Variants in TSG101 observed in about 807,000 individuals in gnomAD.
TSG101 encodes tumor susceptibility 101.
A neutral mutation model predicts 48.5 loss-of-function variants in TSG101; 19 were observed. The ratio of observed to expected loss-of-function variants is 0.39; its 90% CI spans 0.27 to 0.58. The LOEUF (loss-of-function observed/expected upper bound fraction) is 0.58. TSG101 is among the 20% of genes least tolerant of loss of function. The probability of loss-of-function intolerance (pLI) is 0.55; values close to 1 mark genes in which losing one functional copy is unlikely to be tolerated. For synonymous variants in TSG101, 174 were observed against 169.4 expected (o/e 1.03, Z -0.21); for missense variants, 365 against 484.4 (o/e 0.75, Z 2.31).
At chr11:18,523,784 G>A (rs1850320816) in intron 1 of TSG101, among the ~76,000 whole-genome samples, 2 of 152,324 alleles carry the variant, frequency 1.3e-5, no homozygotes, top group Admixed American at 1.3e-4. Context: ...TTACAGGCAT[G>A]AGCCATTGCA....
intron 1 of TSG101, among the ~76,000 whole-genome samples, chr11:18,520,500 A>G (rs998685342): frequency 1.3e-5 from 2 of 152,142 alleles, no homozygotes; most frequent in Admixed American, 1.3e-4. Flanking sequence ...GTTGGGATTT[A>G]CAGGCACGTA....
intron 2 of TSG101, among the ~76,000 whole-genome samples, chr11:18,516,808 G>C (rs1046366997): frequency 4.0e-5 from 6 of 151,384 alleles, no homozygotes; most frequent in Admixed American, 3.3e-4. Flanking sequence ...GGGCGTGGTG[G>C]CACATGCCTG....
chr11:18,481,561 T>G (rs1374195450), intron 9 of TSG101, 69 bp downstream of exon 9: 3 of 1,552,288 alleles, frequency 1.9e-6, no homozygotes, highest in Non-Finnish European at 2.6e-6. Flanking sequence ...TCTCTTGGTT[T>G]GTGGTTTGCA....
chr11:18,480,529 A>T lies in TSG101; in HGVS notation c.*17T>A. 3 of 1,607,088 alleles carry T rather than the reference A, an allele frequency of 1.9e-6. No individual in the cohort carries two copies. The highest frequency in any genetic ancestry group is 2.6e-6 in the Non-Finnish European group (3 of 1,174,498). ...ATACTTTAAGAAGAGCTCAACCTCCAGCTGGTATCAGAGAAGTCAGTAGAG... is the reference window on the plus strand; with the variant it reads ...ATACTTTAAGAAGAGCTCAACCTCCTGCTGGTATCAGAGAAGTCAGTAGAG... On this transcript the variant is annotated 3_prime_UTR_variant, in exon 10 of 10. Transcript: ENST00000251968.
chr11:18,517,648 C>T (rs1382132037), intron 2 of TSG101, among the ~76,000 whole-genome samples: 2 of 152,168 alleles, frequency 1.3e-5, no homozygotes, highest in African/African-American at 4.8e-5. Context: ...GTATGCAGTA[C>T]AGTAACATCT....
chr11:18,504,934 G>A (rs934411716), intron 6 of TSG101, among the ~76,000 whole-genome samples: 7 of 152,210 alleles, frequency 4.6e-5, no homozygotes, highest in African/African-American at 1.7e-4. Flanking sequence ...ACTACCAAAG[G>A]AATCTTTCTC....
In TSG101 at chr11:18,480,655, T is replaced by C; in HGVS notation, c.1084-20A>G. ...TACATGCTGGGAGGGGAGAAAAGTT[T>C]GAATAGTTTAGAATGGCTTTGATTT... On this transcript the variant is annotated intron_variant, in intron 9 of 9. Transcript: ENST00000251968. 6.2e-7 allele frequency: 1 copy of C among 1,609,460 alleles called. No individual in the cohort carries two copies. The highest frequency in any genetic ancestry group is 8.5e-7 in the Non-Finnish European group (1 of 1,176,884).
chr11:18,495,718 C>T (rs558655148), intron 7 of TSG101, among the ~76,000 whole-genome samples: 31 of 150,192 alleles, frequency 2.1e-4, no homozygotes, highest in Non-Finnish European at 3.5e-4. Flanking sequence ...CATTATTCAC[C>T]GACTACCACC....
chr11:18,522,038 TCTGTGC>T (rs1234235272), intron 1 of TSG101, among the ~76,000 whole-genome samples: 1 of 152,202 alleles, frequency 6.6e-6, no homozygotes, highest in African/African-American at 2.4e-5. Flanking sequence ...TCTCCTGCAC[TCTGTGC>T]CTGTGCCTTC....
At chr11:18,526,147 A>AAC (rs1565097699) in intron 1 of TSG101, among the ~76,000 whole-genome samples, 1 of 152,070 alleles carries the variant, frequency 6.6e-6, no homozygotes, top group Admixed American at 6.6e-5. Context: ...GAAAAAAAAA[A>AAC]CACTAGTCTT....
At position 18,503,005 on chromosome 11, in the gene TSG101, GT is replaced by G. The variant is rs1189585339; in HGVS notation, c.549-429del. Among the ~76,000 whole-genome samples, 3 of 152,198 alleles carry G rather than the reference GT, an allele frequency of 2.0e-5. No individual in the cohort carries two copies. In the East Asian group the frequency reaches 5.8e-4, roughly 29 times the overall value. On this transcript the variant is annotated intron_variant, in intron 6 of 9. Coordinates refer to ENST00000251968, the MANE Select transcript of TSG101 (RefSeq NM_006292.4). ...ACCCGAAAACACTTGTCTTTAAATA[GT>G]TTTTTTCCTCTTTTGATAACATTCG...
intron 7 of TSG101, among the ~76,000 whole-genome samples, chr11:18,485,720 CTACTGCT>C (rs1849610807): frequency 6.6e-6 from 1 of 152,190 alleles, no homozygotes; most frequent in African/African-American, 2.4e-5. Flanking sequence ...TGCTGAAGCT[CTACTGCT>C]TTGAAGGCAT....
chr11:18,500,470 C>T (rs1365421176), intron 7 of TSG101, among the ~76,000 whole-genome samples: 1 of 152,154 alleles, frequency 6.6e-6, no homozygotes, highest in Non-Finnish European at 1.5e-5. Context: ...TTCTCCTCAT[C>T]CTCAATAACA....
At chr11:18,526,634 G>T in intron 1 of TSG101, 141 bp downstream of exon 1, 1 of 944,846 alleles carries the variant, frequency 1.1e-6, no homozygotes, top group Non-Finnish European at 1.5e-6. Context: ...CTCGGGGCGG[G>T]GTTCTGAGGA....
chr11:18,499,402 A>ATTTTTTTTTTTTTTT lies in TSG101; in HGVS notation c.640+3069_640+3083dup, dbSNP rs1160424288. On this transcript the variant is annotated intron_variant, in intron 7 of 9. Transcript: ENST00000251968. ...TTTAAATATATATATATATATATAT[A>ATTTTTTTTTTTTTTT]TTTTTTTTTTTTTTTTTTTTTTTCC... 7.3e-4 allele frequency among the ~76,000 whole-genome samples: 4 copies of ATTTTTTTTTTTTTTT among 5,456 alleles called. 1 individual carries two copies. The highest frequency in any genetic ancestry group is 1.0e-3 in the Non-Finnish European group (3 of 2,870). 3.6% of individuals were successfully genotyped at this position (5,456 alleles called of 152,430 possible).
rs1850379737 is a variant in TSG101, at chr11:18,526,656, A to T, written c.42+119T>A. 11 of 1,251,042 alleles carry T rather than the reference A, an allele frequency of 8.8e-6. No individual in the cohort carries two copies. In the Admixed American group the frequency reaches 1.6e-4, roughly 18 times the overall value. The allele number at this position is 1,251,042 out of a possible 1,614,324, so 77.5% of individuals were successfully genotyped here. On this transcript the variant is annotated intron_variant, in intron 1 of 9. Coordinates refer to ENST00000251968, the MANE Select transcript of TSG101 (RefSeq NM_006292.4). ...CGGGGTTCTGAGGAGGTCGCTAAGG[A>T]CTGCACCGGGGCTTCCGGCCCGTCT...
intron 7 of TSG101, among the ~76,000 whole-genome samples, chr11:18,501,243 G>A (rs568517023): frequency 4.3e-4 from 66 of 152,144 alleles, no homozygotes; most frequent in Non-Finnish European, 8.7e-4. Context: ...TAGTTTTATA[G>A]CTTTGGGTCT....
intron 8 of TSG101, among the ~76,000 whole-genome samples, chr11:18,483,459 T>A (rs1230835219): frequency 6.9e-6 from 1 of 144,060 alleles, no homozygotes; most frequent in Non-Finnish European, 1.5e-5. Context: ...TTGCACCACT[T>A]CACTCCAGCC....
intron 9 of TSG101, chr11:18,481,383 C>A (rs769837610): frequency 1.1e-5 from 14 of 1,273,852 alleles, no homozygotes; most frequent in Non-Finnish European, 1.4e-5. Context: ...GAGTTACACT[C>A]ATCTTAATGC....
Sources: gnomAD v4.1 joint callset for allele counts (sites outside exome capture counted in the v4.1 genomes callset) on GRCh38, gnomAD v4.1.1 for gene constraint, MANE v1.5 for transcripts, NCBI Gene and HGNC (gene_info 2026-07-23, HGNC 2026-07-21) for gene names.